Variants in ARFGAP3 observed in about 807,000 individuals in gnomAD.
ARFGAP3 encodes the protein ARF GTPase activating protein 3, also known as ADP-ribosylation factor GTPase-activating protein 3.
Under a neutral mutation model 75.0 loss-of-function variants are expected in ARFGAP3, and 72 were observed. That is an observed-to-expected ratio of 0.96 (90% CI 0.79 to 1.17). The LOEUF is 1.17. ARFGAP3 is among the 50% of genes most tolerant of loss of function. ARFGAP3 has a pLI of 0.00. For missense variants in ARFGAP3, 620 were observed against 626.6 expected (o/e 0.99, Z 0.11); for synonymous variants, 221 against 217.9 (o/e 1.01, Z -0.13).
At chr22:42,834,894 C>T (rs771029653) in intron 4 of ARFGAP3, among the ~76,000 whole-genome samples, 3 of 152,116 alleles carry the variant, frequency 2.0e-5, no homozygotes, top group African/African-American at 7.2e-5. Flanking sequence ...TTTTAAGATG[C>T]CTCTCAAGTG....
intron 9 of ARFGAP3, among the ~76,000 whole-genome samples, chr22:42,819,223 C>CT (rs1925709437): frequency 6.6e-6 from 1 of 152,184 alleles, no homozygotes; most frequent in African/African-American, 2.4e-5. Context: ...CTTACTCTTC[C>CT]TACAGAACAG....
At chr22:42,842,161 C>T (rs947134620) in intron 2 of ARFGAP3, among the ~76,000 whole-genome samples, 4 of 151,716 alleles carry the variant, frequency 2.6e-5, no homozygotes, top group African/African-American at 7.3e-5. Flanking sequence ...GGTGTCACTA[C>T]GCCCGGCTAA....
At chr22:42,826,370 G>A (rs1318551926) in intron 7 of ARFGAP3, among the ~76,000 whole-genome samples, 1 of 151,422 alleles carries the variant, frequency 6.6e-6, no homozygotes. Context: ...TTGGCTAAAT[G>A]TGCACATTGC....
chr22:42,843,497 G>T (rs1267638373), intron 2 of ARFGAP3, among the ~76,000 whole-genome samples: 1 of 152,048 alleles, frequency 6.6e-6, no homozygotes, highest in Non-Finnish European at 1.5e-5. Flanking sequence ...GGCCTCCCAA[G>T]TGCTGGGATT....
intron 1 of ARFGAP3, among the ~76,000 whole-genome samples, chr22:42,856,136 TC>T (rs1399882341): frequency 2.0e-5 from 3 of 152,136 alleles, no homozygotes; most frequent in Admixed American, 2.0e-4. Flanking sequence ...CTTTCCCACA[TC>T]CATCAGACAT....
Position 42,798,904 on chromosome 22 carries a change from G to A in ARFGAP3, c.1533+135C>T, listed in dbSNP as rs1602085090. The A allele has an allele frequency of 2.0e-5, 15 of 742,292 alleles. No individual in the cohort carries two copies. The East Asian group carries it at 3.5e-4, about 17-fold the overall frequency. 46.0% of individuals were successfully genotyped at this position (742,292 alleles called of 1,614,324 possible). A position where few individuals can be genotyped will look rare whatever the true frequency, so the allele number is the denominator to read the frequency against. On this transcript the variant is annotated intron_variant, in intron 15 of 15. Coordinates refer to ENST00000263245, the MANE Select transcript of ARFGAP3 (RefSeq NM_014570.5). The stretch of plus-strand genomic sequence containing the variant: ...AATTTCTGGTTTTCATAATGTTCTG[G>A]GTTATAGTGTAGCAAACATATCGAT...
chr22:42,820,772 G>A (rs897378043), intron 9 of ARFGAP3, among the ~76,000 whole-genome samples: 29 of 152,108 alleles, frequency 1.9e-4, no homozygotes, highest in Non-Finnish European at 2.5e-4. Flanking sequence ...GTACAGTCAC[G>A]GTTTCCAGAA....
chr22:42,812,964 A>G lies in ARFGAP3; in HGVS notation c.1065-2020T>C, dbSNP rs543849201. 8.9e-4 allele frequency among the ~76,000 whole-genome samples: 135 copies of G among 152,354 alleles called. 1 individual carries two copies. In the Middle Eastern group the frequency reaches 0.017, roughly 19 times the overall value. On this transcript the variant is annotated intron_variant, in intron 11 of 15. Coordinates refer to ENST00000263245, the MANE Select transcript of ARFGAP3 (RefSeq NM_014570.5). The stretch of plus-strand genomic sequence containing the variant: ...AGAGATGACCGATCCCCTTTCAGAG[A>G]AGAGAGATCAGGACACTGAAGGAAC...
chr22:42,830,183 T>C (rs5758964), intron 6 of ARFGAP3, among the ~76,000 whole-genome samples: 3,041 of 152,236 alleles, frequency 0.02, 190 homozygotes, highest in East Asian at 0.19. Flanking sequence ...AGTGGTGCAA[T>C]CATAGCTCAC....
chr22:42,849,179 T>C (rs1927157146), intron 1 of ARFGAP3, among the ~76,000 whole-genome samples: 1 of 152,326 alleles, frequency 6.6e-6, no homozygotes, highest in East Asian at 1.9e-4. Flanking sequence ...TGAAAGACCC[T>C]GGGTCAGAAG....
In ARFGAP3 at chr22:42,835,395, G is replaced by A. The variant is rs753189345; in HGVS notation, c.360C>T (p.Leu120=). 33 of 1,614,092 alleles carry A rather than the reference G, an allele frequency of 2.0e-5. No individual in the cohort carries two copies. Among genetic ancestry groups the A allele is most frequent in the Middle Eastern group, 1.6e-4 (1 of 6,062 alleles). ...CATGCTTCCGTGTTGCTTGAGAGGC[G>A]AGCGATTTGATTTTCTCCCTATAGA... ...AQLYREKIKS[L]ASQATRKHGT... The change falls in exon 4 of 16, where the codon CTC becomes CTT. Residue 120 remains leucine (L), a synonymous_variant. Transcript: ENST00000263245.
intron 11 of ARFGAP3, among the ~76,000 whole-genome samples, chr22:42,813,589 A>T (rs1358313803): frequency 2.6e-5 from 4 of 152,252 alleles, no homozygotes; most frequent in Non-Finnish European, 4.4e-5. Flanking sequence ...AGAGACAGCC[A>T]TCGGCTTGGG....
chr22:42,852,848 T>C (rs542830105), intron 1 of ARFGAP3, among the ~76,000 whole-genome samples: 1 of 151,572 alleles, frequency 6.6e-6, no homozygotes, highest in South Asian at 2.1e-4. Flanking sequence ...CACTGCAACC[T>C]CTGCTTCCTG....
chr22:42,815,914 A>G (rs1421649782), intron 11 of ARFGAP3, among the ~76,000 whole-genome samples: 1 of 152,198 alleles, frequency 6.6e-6, no homozygotes, highest in Non-Finnish European at 1.5e-5. Flanking sequence ...GGGGTTTGAG[A>G]CCAGCCTGGC....
chr22:42,799,210 CGG>C, intron 14 of ARFGAP3, 50 bp from the exon 15 acceptor site: 1 of 1,602,834 alleles, frequency 6.2e-7, no homozygotes, highest in Non-Finnish European at 8.5e-7. Context: ...GCCACAGCTG[CGG>C]CAAACCCAGT....
chr22:42,845,103 G>A (rs1006041383), intron 2 of ARFGAP3, among the ~76,000 whole-genome samples: 8 of 152,194 alleles, frequency 5.3e-5, no homozygotes, highest in African/African-American at 1.7e-4. Context: ...AGACTTAGCA[G>A]AAAGAAAGAG....
At chr22:42,836,960 G>A (rs1926545776) in intron 3 of ARFGAP3, among the ~76,000 whole-genome samples, 1 of 152,192 alleles carries the variant, frequency 6.6e-6, no homozygotes, top group Non-Finnish European at 1.5e-5. Flanking sequence ...AGCTCCACTG[G>A]CTAAACCGAA....
At chr22:42,806,207 G>C (rs916101818) in intron 14 of ARFGAP3, among the ~76,000 whole-genome samples, 7 of 152,102 alleles carry the variant, frequency 4.6e-5, no homozygotes, top group African/African-American at 1.7e-4. Flanking sequence ...CTGATAAATG[G>C]CTTCCTGAAA....
At chr22:42,818,972 C>A (rs924853112) in intron 9 of ARFGAP3, among the ~76,000 whole-genome samples, 2 of 151,458 alleles carry the variant, frequency 1.3e-5, no homozygotes, top group African/African-American at 4.9e-5. Flanking sequence ...GCCACCATAT[C>A]CAGCTAATTT....
Sources: allele counts gnomAD v4.1 joint callset (sites outside exome capture counted in the v4.1 genomes callset), GRCh38; gene constraint gnomAD v4.1.1; transcripts MANE v1.5; gene names NCBI Gene and HGNC (gene_info 2026-07-23, HGNC 2026-07-21).